EPHB1: variants seen among roughly 807,000 people sequenced by gnomAD.
EPHB1 encodes EPH receptor B1, also known as ephrin type-B receptor 1.
EPHB1 carries 30 observed loss-of-function variants against 94.4 expected under a neutral mutation model. The observed-to-expected ratio is 0.32, with a 90% CI of 0.24 to 0.43. The LOEUF (loss-of-function observed/expected upper bound fraction) is 0.43, where lower values mean the gene tolerates loss of function less well. Ranked by LOEUF, EPHB1 falls within the 20% of genes least tolerant of loss-of-function variation. EPHB1 has a pLI of 1.00. For synonymous variants in EPHB1, 522 were observed against 489.1 expected (o/e 1.07, Z -0.89); for missense variants, 1,055 against 1,308.3 (o/e 0.81, Z 2.99).
At chr3:135,249,210 G>T in intron 14 of EPHB1, 126 bp from the exon 15 acceptor site, 1 of 1,121,728 alleles carries the variant, frequency 8.9e-7, no homozygotes, top group Non-Finnish European at 1.2e-6. Flanking sequence ...TTCAGCCCAG[G>T]GCTCCACTAT....
At chr3:134,796,715 G>A (rs975583493) in intron 1 of EPHB1, among the ~76,000 whole-genome samples, 1 of 152,270 alleles carries the variant, frequency 6.6e-6, no homozygotes, top group Non-Finnish European at 1.5e-5. Flanking sequence ...GGAGAGCGGA[G>A]TTGGAGTTGT....
At chr3:135,251,128 C>G (rs1386770595) in intron 15 of EPHB1, among the ~76,000 whole-genome samples, 1 of 151,982 alleles carries the variant, frequency 6.6e-6, no homozygotes, top group Non-Finnish European at 1.5e-5. Context: ...AGCTTTCGAT[C>G]CACTGAACAT....
At chr3:135,005,268 G>C (rs1281076275) in intron 3 of EPHB1, among the ~76,000 whole-genome samples, 4 of 152,090 alleles carry the variant, frequency 2.6e-5, no homozygotes, top group Non-Finnish European at 5.9e-5. Context: ...AGTTAGGCTG[G>C]TCAGGGGTCA....
Position 134,929,147 on chromosome 3 carries a change from G to GGAAATGGCTCCTTTCCTGTT in EPHB1, c.123+3273_123+3292dup, listed in dbSNP as rs544481151. ...CTGTGGGCACATTTGCCTTTCCCGG[G>GGAAATGGCTCCTTTCCTGTT]GAAATGGCTCCTTTCCTGTTGAAAT... On this transcript the variant is annotated intron_variant, in intron 2 of 15. Coordinates refer to ENST00000398015, the MANE Select transcript of EPHB1 (RefSeq NM_004441.5). 1.6e-4 allele frequency among the ~76,000 whole-genome samples: 25 copies of GGAAATGGCTCCTTTCCTGTT among 152,266 alleles called. No homozygotes were observed. In the South Asian group the frequency reaches 4.1e-3, roughly 25 times the overall value.
intron 1 of EPHB1, among the ~76,000 whole-genome samples, chr3:134,870,513 T>A (rs190346278): frequency 6.6e-6 from 1 of 152,302 alleles, no homozygotes; most frequent in African/African-American, 2.4e-5. Flanking sequence ...AGGAGAGAAC[T>A]GATTCTTTTC....
intron 1 of EPHB1, among the ~76,000 whole-genome samples, chr3:134,901,299 T>A (rs2038199094): frequency 6.6e-6 from 1 of 152,244 alleles, no homozygotes; most frequent in African/African-American, 2.4e-5. Flanking sequence ...AATCTACACG[T>A]AACACTTGGT....
intron 3 of EPHB1, among the ~76,000 whole-genome samples, chr3:135,018,033 C>G (rs1337826751): frequency 6.6e-6 from 1 of 152,052 alleles, no homozygotes; most frequent in African/African-American, 2.4e-5. Flanking sequence ...CCAGGGAGGG[C>G]AGAGGAGGTA....
At chr3:134,852,426 C>T (rs988084168) in intron 1 of EPHB1, 10 of 152,142 alleles carry the variant, frequency 6.6e-5, no homozygotes, top group Non-Finnish European at 1.5e-5. Flanking sequence ...ATTCCTTCCT[C>T]TGCCCCATAT....
chr3:135,186,578 CA>C (rs1011649132), intron 10 of EPHB1, among the ~76,000 whole-genome samples: 1 of 152,146 alleles, frequency 6.6e-6, no homozygotes, highest in African/African-American at 2.4e-5. Context: ...TTTTTGACTT[CA>C]AAATGCTGCT....
intron 12 of EPHB1, among the ~76,000 whole-genome samples, chr3:135,215,442 C>A (rs1943127845): frequency 6.6e-6 from 1 of 152,320 alleles, no homozygotes; most frequent in East Asian, 1.9e-4. Context: ...GGATTACAGG[C>A]ATGAGCCACC....
chr3:134,952,517 T>C (rs1047058478), intron 3 of EPHB1, among the ~76,000 whole-genome samples: 115 of 152,056 alleles, frequency 7.6e-4, no homozygotes, highest in African/African-American at 2.6e-3. Flanking sequence ...TTGGAAAATA[T>C]TTTAGTTCAT....
chr3:135,080,008 A>C (rs1938106963), intron 3 of EPHB1, among the ~76,000 whole-genome samples: 1 of 152,168 alleles, frequency 6.6e-6, no homozygotes, highest in South Asian at 2.1e-4. Context: ...TAGCAAGTGC[A>C]CTGTTTTAAC....
intron 4 of EPHB1, among the ~76,000 whole-genome samples, chr3:135,111,947 G>A (rs1939463936): frequency 6.6e-6 from 1 of 152,190 alleles, no homozygotes; most frequent in Admixed American, 6.5e-5. Flanking sequence ...CAAAGTGCTG[G>A]GATTATAGGC....
intron 1 of EPHB1, among the ~76,000 whole-genome samples, chr3:134,871,166 T>A (rs1412959573): frequency 6.6e-6 from 1 of 152,240 alleles, no homozygotes; most frequent in Non-Finnish European, 1.5e-5. Flanking sequence ...AATGACCTTT[T>A]AAGCCAGCTG....
At chr3:135,180,068 A>G (rs1942113605) in intron 10 of EPHB1, 86 bp downstream of exon 10, 1 of 1,517,462 alleles carries the variant, frequency 6.6e-7, no homozygotes, top group East Asian at 2.3e-5. Context: ...TTCAGTATGA[A>G]AAGCCCCATT....
chr3:135,062,551 G>T (rs1337238182), intron 3 of EPHB1, among the ~76,000 whole-genome samples: 2 of 151,720 alleles, frequency 1.3e-5, no homozygotes, highest in Non-Finnish European at 1.5e-5. Context: ...TTTTCTTGCT[G>T]ATTTGTTTGA....
At chr3:134,978,311 A>T (rs924254028) in intron 3 of EPHB1, among the ~76,000 whole-genome samples, 5 of 152,148 alleles carry the variant, frequency 3.3e-5, no homozygotes, top group African/African-American at 1.2e-4. Flanking sequence ...TGGTTGCTCC[A>T]GGGATTTTCC....
rs577380704 is a variant in EPHB1 at position 135,130,579 on chromosome 3, T to A, written c.962-2135T>A. Among the ~76,000 whole-genome samples the A allele has an allele frequency of 4.6e-4, 70 of 152,118 alleles. 3 individuals carry two copies. The South Asian group carries it at 0.014, about 29-fold the overall frequency. On this transcript the variant is annotated intron_variant, in intron 4 of 15. Coordinates refer to ENST00000398015, the MANE Select transcript of EPHB1 (RefSeq NM_004441.5). ...TGAAAATGGCAAAGACTTGTATGAGTTTACATTGAGAAGCTGGAGTCAGTG... is the reference window on the plus strand; with the variant it reads ...TGAAAATGGCAAAGACTTGTATGAGATTACATTGAGAAGCTGGAGTCAGTG...
chr3:134,981,716 C>T (rs1559781806), intron 3 of EPHB1, among the ~76,000 whole-genome samples: 1 of 152,180 alleles, frequency 6.6e-6, no homozygotes, highest in African/African-American at 2.4e-5. Context: ...TGAGTACCCA[C>T]CCTGTGCCCA....
Sources: allele counts gnomAD v4.1 joint callset (sites outside exome capture counted in the v4.1 genomes callset), GRCh38; gene constraint gnomAD v4.1.1; transcripts MANE v1.5; gene names NCBI Gene and HGNC (gene_info 2026-07-23, HGNC 2026-07-21).